TMEM117: variants seen among roughly 807,000 people sequenced by gnomAD.
TMEM117 encodes transmembrane protein 117.
TMEM117 carries 27 observed loss-of-function variants against 52.4 expected under a neutral mutation model. The ratio of observed to expected loss-of-function variants is 0.51; its 90% CI spans 0.38 to 0.71. The LOEUF (loss-of-function observed/expected upper bound fraction) is 0.71, where lower values mean the gene tolerates loss of function less well. Ranked by LOEUF, TMEM117 falls within the 30% of genes least tolerant of loss-of-function variation. The probability of loss-of-function intolerance (pLI) is 0.00; values close to 1 mark genes in which losing one functional copy is unlikely to be tolerated. For synonymous variants in TMEM117, 215 were observed against 206.3 expected (o/e 1.04, Z -0.36); for missense variants, 556 against 630.5 (o/e 0.88, Z 1.26).
At chr12:43,953,844 A>C (rs956562326) in intron 3 of TMEM117, among the ~76,000 whole-genome samples, 1 of 152,206 alleles carries the variant, frequency 6.6e-6, no homozygotes, top group Non-Finnish European at 1.5e-5. Context: ...AAACAACAGA[A>C]TATACATTTT....
At chr12:43,828,427 G>GC in the TMEM117 span, among the ~76,000 whole-genome samples, 4 of 152,142 alleles carry the variant, frequency 2.6e-5, no homozygotes, top group Non-Finnish European at 5.9e-5. Context: ...AGGCATTCCA[G>GC]CCCCCCTACC....
chr12:43,845,460 C>CAAAAAA lies in TMEM117; in HGVS notation c.277+550_277+555dup, dbSNP rs10677136. Among the ~76,000 whole-genome samples, 35 of 37,908 alleles carry CAAAAAA rather than the reference C, an allele frequency of 9.2e-4. 3 individuals are homozygous for CAAAAAA. Among genetic ancestry groups the CAAAAAA allele is most frequent in the African/African-American group, 2.9e-3 (29 of 9,954 alleles). 24.9% of individuals were successfully genotyped at this position (37,908 alleles called of 152,430 possible). A position where few individuals can be genotyped will look rare whatever the true frequency, so the allele number is the denominator to read the frequency against. On this transcript the variant is annotated intron_variant, in intron 2 of 7. Coordinates refer to ENST00000266534, the MANE Select transcript of TMEM117 (RefSeq NM_032256.3). ...TGGGTGACACAGCGCGACTCCATCTCAAAAAAAAAAAAAAAAAAAAAAAGA... is the reference window on the plus strand; with the variant it reads ...TGGGTGACACAGCGCGACTCCATCTCAAAAAAAAAAAAAAAAAAAAAAAAAAAAAGA...
chr12:44,019,194 G>A (rs1358723708), intron 3 of TMEM117, among the ~76,000 whole-genome samples: 1 of 151,732 alleles, frequency 6.6e-6, no homozygotes, highest in African/African-American at 2.4e-5. Context: ...ATGAATGGCA[G>A]CCATCTAGTG....
chr12:44,188,752 A>C (rs1949311986), intron 4 of TMEM117, among the ~76,000 whole-genome samples: 1 of 151,966 alleles, frequency 6.6e-6, no homozygotes, highest in Non-Finnish European at 1.5e-5. Flanking sequence ...AGCAGGCTTA[A>C]TTCTTTTTCT....
intron 5 of TMEM117, among the ~76,000 whole-genome samples, chr12:44,254,844 T>G (rs2138522538): frequency 6.6e-6 from 1 of 151,910 alleles, no homozygotes; most frequent in Non-Finnish European, 1.5e-5. Flanking sequence ...GAGTGTGATG[T>G]TCCCCTTCCT....
At chr12:43,864,868 A>C (rs753543103) in intron 2 of TMEM117, among the ~76,000 whole-genome samples, 3 of 152,130 alleles carry the variant, frequency 2.0e-5, no homozygotes, top group Non-Finnish European at 4.4e-5. Context: ...GTTTGGGTCC[A>C]CACTGCCTTT....
At chr12:43,905,527 A>G (rs1944372220) in intron 2 of TMEM117, among the ~76,000 whole-genome samples, 1 of 152,112 alleles carries the variant, frequency 6.6e-6, no homozygotes, top group African/African-American at 2.4e-5. Context: ...ATATTTATTT[A>G]TTTATTTGCA....
chr12:43,975,070 C>T (rs1166853161), intron 3 of TMEM117, among the ~76,000 whole-genome samples: 1 of 152,168 alleles, frequency 6.6e-6, no homozygotes, highest in Non-Finnish European at 1.5e-5. Context: ...CCTTGAGCTA[C>T]CACTTGTCTG....
intron 3 of TMEM117, 96 bp from the exon 4 acceptor site, chr12:44,143,429 G>A: frequency 1.2e-6 from 1 of 821,946 alleles, no homozygotes; most frequent in Non-Finnish European, 1.9e-6. Context: ...AGCTTGCTGA[G>A]AATGGGAGAA....
intron 3 of TMEM117, among the ~76,000 whole-genome samples, chr12:44,060,903 A>G (rs554776679): frequency 9.1e-4 from 139 of 152,316 alleles, no homozygotes; most frequent in Non-Finnish European, 1.8e-3. Context: ...ACTGAGAGAA[A>G]AGGAGACGTT....
chr12:43,836,928 A>G (rs1279754791), intron 1 of TMEM117, among the ~76,000 whole-genome samples: 2 of 152,138 alleles, frequency 1.3e-5, no homozygotes, highest in East Asian at 3.9e-4. Context: ...ATTATAAATG[A>G]TGTATTGTCT....
chr12:44,017,424 G>A (rs1311553343), intron 3 of TMEM117, among the ~76,000 whole-genome samples: 6 of 149,902 alleles, frequency 4.0e-5, no homozygotes, highest in Non-Finnish European at 8.9e-5. Flanking sequence ...TCACAGTTGT[G>A]GAAAGAAATC....
chr12:43,991,225 C>T (rs929701888), intron 3 of TMEM117, among the ~76,000 whole-genome samples: 1 of 152,122 alleles, frequency 6.6e-6, no homozygotes, highest in African/African-American at 2.4e-5. Flanking sequence ...CTTTAAATTC[C>T]TCCAATTATA....
At chr12:44,272,873 A>G (rs1279978045) in intron 5 of TMEM117, among the ~76,000 whole-genome samples, 3 of 152,216 alleles carry the variant, frequency 2.0e-5, no homozygotes, top group East Asian at 1.9e-4. Flanking sequence ...ATTACTGGGT[A>G]TATACCCAAA....
intron 4 of TMEM117, among the ~76,000 whole-genome samples, chr12:44,169,410 T>A (rs1269351005): frequency 6.6e-6 from 1 of 152,234 alleles, no homozygotes; most frequent in Admixed American, 6.5e-5. Flanking sequence ...AAGTCGTGTC[T>A]CTTCATGGTT....
rs1332339190 is a variant in TMEM117 at position 44,289,583 on chromosome 12, C to T, written c.609-9997C>T. ...TTTTTTTTTTTTTGAGACAGAGTCT[C>T]CCTCTGTTACCTAGGCTGGAGTGCA... On this transcript the variant is annotated intron_variant, in intron 5 of 7. Coordinates refer to ENST00000266534, the MANE Select transcript of TMEM117 (RefSeq NM_032256.3). Among the ~76,000 whole-genome samples the T allele has an allele frequency of 8.9e-5, 12 of 135,480 alleles. No homozygotes were observed. In the Admixed American group the frequency reaches 9.2e-4, roughly 10 times the overall value. 88.9% of individuals were successfully genotyped at this position (135,480 alleles called of 152,430 possible). A position where few individuals can be genotyped will look rare whatever the true frequency, so the allele number is the denominator to read the frequency against.
chr12:44,014,841 G>A (rs750517902), intron 3 of TMEM117, among the ~76,000 whole-genome samples: 4 of 150,970 alleles, frequency 2.6e-5, no homozygotes, highest in African/African-American at 9.8e-5. Context: ...TTGTTGTACC[G>A]TTTTTTTTCT....
At chr12:44,022,978 C>CA (rs1946477207) in intron 3 of TMEM117, among the ~76,000 whole-genome samples, 1 of 152,160 alleles carries the variant, frequency 6.6e-6, no homozygotes, top group African/African-American at 2.4e-5. Context: ...GACTCCAGTT[C>CA]AGTGGCTTCA....
At chr12:44,185,028 G>A (rs1249453918) in intron 4 of TMEM117, among the ~76,000 whole-genome samples, 1 of 152,098 alleles carries the variant, frequency 6.6e-6, no homozygotes, top group East Asian at 1.9e-4. Flanking sequence ...CCTCTTTCAG[G>A]AAGCTTCCCT....
Sources: gnomAD v4.1 joint callset for allele counts (sites outside exome capture counted in the v4.1 genomes callset) on GRCh38, gnomAD v4.1.1 for gene constraint, MANE v1.5 for transcripts, NCBI Gene and HGNC (gene_info 2026-07-23, HGNC 2026-07-21) for gene names.